ATRN: variants seen among roughly 807,000 people sequenced by gnomAD.
ATRN encodes attractin.
A neutral mutation model predicts 178.7 loss-of-function variants in ATRN; 54 were observed. The observed-to-expected ratio is 0.30, with a 90% CI of 0.24 to 0.38. ATRN has a LOEUF of 0.38. ATRN is among the 10% of genes least tolerant of loss of function. ATRN has a pLI of 1.00. For synonymous variants in ATRN, 636 were observed against 663.0 expected (o/e 0.96, Z 0.63); for missense variants, 1,443 against 1,815.1 (o/e 0.79, Z 3.73).
chr20:3,562,173 A>T, intron 8 of ATRN, 103 bp from the exon 9 acceptor site: 1 of 921,256 alleles, frequency 1.1e-6, no homozygotes, highest in Non-Finnish European at 1.6e-6. Context: ...TATATGTATC[A>T]GGTCTCCTGA....
At chr20:3,573,729 A>G (rs761575065) in intron 12 of ATRN, among the ~76,000 whole-genome samples, 5 of 150,214 alleles carry the variant, frequency 3.3e-5, no homozygotes, top group Non-Finnish European at 7.4e-5. Flanking sequence ...GAAGCGATAT[A>G]TTAAAAATTT....
At chr20:3,584,565 G>GAAT in intron 17 of ATRN, 82 bp from the exon 18 acceptor site, 1 of 948,954 alleles carries the variant, frequency 1.1e-6, no homozygotes. Flanking sequence ...CAAGCCAGTT[G>GAAT]AATAGTCTGT....
intron 1 of ATRN, chr20:3,489,409 A>G (rs1317620646): frequency 3.0e-5 from 20 of 670,110 alleles, no homozygotes; most frequent in Non-Finnish European, 4.6e-5. Flanking sequence ...TACAGGATGC[A>G]TGCTAGACCA....
intron 3 of ATRN, among the ~76,000 whole-genome samples, chr20:3,544,459 T>A (rs527535063): frequency 6.6e-6 from 1 of 152,194 alleles, no homozygotes; most frequent in East Asian, 1.9e-4. Context: ...TGGGACAGAT[T>A]GCGTAGGGCC....
rs1318973575 is a variant in ATRN at position 3,490,312 on chromosome 20, A to G, written c.410+18795A>G. 22 of 1,030,550 alleles carry G rather than the reference A, an allele frequency of 2.1e-5. No homozygotes were observed. In the East Asian group the frequency reaches 5.0e-4, roughly 23 times the overall value. The allele number at this position is 1,030,550 out of a possible 1,614,324, so 63.8% of individuals were successfully genotyped here. On this transcript the variant is annotated intron_variant, in intron 1 of 28. Transcript: ENST00000262919. Reference sequence around the variant, plus strand: ...CAAGATGGGCTCCAGCATGGGTCAGAGCGCTGCTTGTCTCTTTCGCCCATC... The same window carrying G: ...CAAGATGGGCTCCAGCATGGGTCAGGGCGCTGCTTGTCTCTTTCGCCCATC...
chr20:3,547,317 A>G lies in ATRN; in HGVS notation c.771A>G (p.Arg257=). ...FDMCPNNCSG[R]GECKISNSSD... ...TGTGTCCAAATAACTGCTCAGGCCG[A>G]GGAGAGTGTAAGATCAGTAATAGCA... is the stretch of plus-strand genomic sequence containing the variant. The change falls in exon 5 of 29, where the codon CGA becomes CGG. Residue 257 remains arginine (R), a synonymous_variant. Transcript: ENST00000262919. The G allele has an allele frequency of 1.2e-6, 2 of 1,614,086 alleles. No homozygotes were observed. The highest frequency in any genetic ancestry group is 1.7e-6 in the Non-Finnish European group (2 of 1,179,982).
intron 1 of ATRN, among the ~76,000 whole-genome samples, chr20:3,506,976 T>C (rs972400903): frequency 6.6e-6 from 1 of 151,752 alleles, no homozygotes; most frequent in Non-Finnish European, 1.5e-5. Context: ...AAAATACCTG[T>C]ATAGAAGCAC....
Position 3,638,786 on chromosome 20 carries a change from C to T in ATRN, c.3943-42C>T, listed in dbSNP as rs1487914368. 1.3e-6 allele frequency: 2 copies of T among 1,558,362 alleles called. No homozygotes were observed. Among genetic ancestry groups the T allele is most frequent in the Admixed American group, 1.7e-5 (1 of 59,674 alleles). ...GTAGCATTAACTAATAAAACCCCTT[C>T]AGTACTCATTCCATTAATGGCTTTG... On this transcript the variant is annotated intron_variant, in intron 26 of 28. Transcript: ENST00000262919. The surrounding 1 kb of genome is among the most constrained non-coding windows in gnomAD (Gnocchi z 4.5).
At chr20:3,561,564 A>G (rs1439299164) in intron 8 of ATRN, among the ~76,000 whole-genome samples, 3 of 152,212 alleles carry the variant, frequency 2.0e-5, no homozygotes, top group African/African-American at 7.2e-5. Context: ...TTAGTGGAGT[A>G]TGATTTACCC....
intron 22 of ATRN, among the ~76,000 whole-genome samples, chr20:3,599,771 G>A (rs1568756152): frequency 6.6e-6 from 1 of 152,182 alleles, no homozygotes; most frequent in South Asian, 2.1e-4. Context: ...AAGGATGACT[G>A]TAATTGTTAG....
At chr20:3,553,402 G>A (rs1024862954) in intron 6 of ATRN, among the ~76,000 whole-genome samples, 2 of 151,998 alleles carry the variant, frequency 1.3e-5, no homozygotes, top group Non-Finnish European at 2.9e-5. Flanking sequence ...TTCTTTTTAT[G>A]TACAGCCTGC....
chr20:3,523,124 A>C (rs2085318356), intron 1 of ATRN, among the ~76,000 whole-genome samples: 1 of 151,956 alleles, frequency 6.6e-6, no homozygotes, highest in South Asian at 2.1e-4. Flanking sequence ...CTCCAAGCTA[A>C]AGAAGCATGT....
At chr20:3,599,483 A>G (rs1170258932) in intron 22 of ATRN, among the ~76,000 whole-genome samples, 1 of 152,216 alleles carries the variant, frequency 6.6e-6, no homozygotes, top group African/African-American at 2.4e-5. Context: ...TCTGTCCTCT[A>G]TAAAACCACA....
intron 4 of ATRN, 91 bp downstream of exon 4, chr20:3,545,981 C>T (rs1458021770): frequency 2.1e-6 from 3 of 1,405,628 alleles, no homozygotes; most frequent in Non-Finnish European, 3.0e-6. Flanking sequence ...GATTGAGAGC[C>T]AGGCATAGCG....
At chr20:3,624,897 A>G (rs1160907540) in intron 25 of ATRN, among the ~76,000 whole-genome samples, 16 of 152,204 alleles carry the variant, frequency 1.1e-4, no homozygotes, top group African/African-American at 3.9e-4. Flanking sequence ...CATTTAATTA[A>G]TAATGGTTAC....
At position 3,471,072 on chromosome 20, in the gene ATRN, T is replaced by A. The variant is rs1364895753; in HGVS notation, c.-36T>A. On this transcript the variant is annotated 5_prime_UTR_variant, in exon 1 of 29. Coordinates refer to ENST00000262919, the MANE Select transcript of ATRN (RefSeq NM_139321.3). ...CGGAGCCGGCCGTGCGGTGTGTGTGTATGTGTTCGCGGGGCGCCGTCTCAG... is the reference window on the plus strand; with the variant it reads ...CGGAGCCGGCCGTGCGGTGTGTGTGAATGTGTTCGCGGGGCGCCGTCTCAG... 6.8e-7 allele frequency: 1 copy of A among 1,478,310 alleles called. No homozygotes were observed. Among genetic ancestry groups the A allele is most frequent in the Admixed American group, 2.1e-5 (1 of 47,378 alleles). 91.6% of individuals were successfully genotyped at this position (1,478,310 alleles called of 1,614,324 possible).
At chr20:3,490,733 G>A in intron 1 of ATRN, 2 of 793,774 alleles carry the variant, frequency 2.5e-6, no homozygotes, top group East Asian at 2.4e-5. Context: ...GGTGCTTCTG[G>A]TGGAATTCCT....
intron 24 of ATRN, among the ~76,000 whole-genome samples, chr20:3,608,184 T>A (rs2086703578): frequency 6.6e-6 from 1 of 152,230 alleles, no homozygotes; most frequent in African/African-American, 2.4e-5. Context: ...TCTTGTTTCC[T>A]TTGCTTTGTA....
chr20:3,552,541 A>C (rs904824797), intron 6 of ATRN, among the ~76,000 whole-genome samples: 1 of 152,198 alleles, frequency 6.6e-6, no homozygotes, highest in African/African-American at 2.4e-5. Flanking sequence ...TTTATGAGTT[A>C]TCTCATGCTA....
Sources: allele counts gnomAD v4.1 joint callset (sites outside exome capture counted in the v4.1 genomes callset), GRCh38; gene constraint gnomAD v4.1.1; non-coding constraint Gnocchi (gnomAD v3.1); transcripts MANE v1.5; gene names NCBI Gene and HGNC (gene_info 2026-07-23, HGNC 2026-07-21).